The following REDIC1 variants were observed in gnomAD, a reference collection of about 807,000 sequenced individuals.
REDIC1 encodes the protein HEI10 Interacting Protein 1.
At chr12:39,802,098 G>A in the REDIC1 span, among the ~76,000 whole-genome samples, 23 of 152,294 alleles carry the variant, frequency 1.5e-4, no homozygotes, top group East Asian at 4.4e-3. Flanking sequence ...CAGTTGATGG[G>A]CTGGTCAGGA....
the REDIC1 span, among the ~76,000 whole-genome samples, chr12:39,707,654 A>G: frequency 2.0e-5 from 3 of 151,944 alleles, no homozygotes; most frequent in Non-Finnish European, 4.4e-5. Context: ...TGTTAATTAA[A>G]CACAATCTAA....
At chr12:39,662,215 G>C in the REDIC1 span, among the ~76,000 whole-genome samples, 4 of 151,998 alleles carry the variant, frequency 2.6e-5, no homozygotes, top group African/African-American at 9.7e-5. Context: ...TGACTCTGTA[G>C]ATTGCTTTGG....
At chr12:39,838,711 G>A in the REDIC1 span, among the ~76,000 whole-genome samples, 1 of 152,128 alleles carries the variant, frequency 6.6e-6, no homozygotes, top group Non-Finnish European at 1.5e-5. Flanking sequence ...TATGTTTCAC[G>A]TGGCACCCAG....
chr12:39,710,888 T>C, the REDIC1 span, among the ~76,000 whole-genome samples: 1 of 151,318 alleles, frequency 6.6e-6, no homozygotes, highest in African/African-American at 2.4e-5. Flanking sequence ...TTTTTTTCAG[T>C]ATTCTTTTTT....
At chr12:39,699,580 G>A in the REDIC1 span, among the ~76,000 whole-genome samples, 1 of 152,228 alleles carries the variant, frequency 6.6e-6, no homozygotes, top group Non-Finnish European at 1.5e-5. Context: ...TGGGAAGCTC[G>A]AACTGGGTGG....
chr12:39,843,363 T>C, the REDIC1 span, among the ~76,000 whole-genome samples: 16 of 152,066 alleles, frequency 1.1e-4, no homozygotes, highest in Non-Finnish European at 1.6e-4. Flanking sequence ...AAGACAAGCC[T>C]ATCTGTCATT....
chr12:39,860,170 G>T, the REDIC1 span, among the ~76,000 whole-genome samples: 2 of 152,216 alleles, frequency 1.3e-5, no homozygotes, highest in Admixed American at 1.3e-4. Context: ...GTTAGTCTGT[G>T]TGCCCTAGGA....
chr12:39,708,770 A>T, the REDIC1 span, among the ~76,000 whole-genome samples: 7 of 151,698 alleles, frequency 4.6e-5, no homozygotes, highest in Non-Finnish European at 7.4e-5. Flanking sequence ...CGCTTTTATT[A>T]TCTTTTTATA....
At chr12:39,729,524 CTGTT>C in the REDIC1 span, among the ~76,000 whole-genome samples, 6 of 152,072 alleles carry the variant, frequency 3.9e-5, no homozygotes, top group African/African-American at 7.2e-5. Flanking sequence ...GTCTGAGTGA[CTGTT>C]TGTTATGATT....
the REDIC1 span, chr12:39,871,857 A>G: frequency 1.6e-4 from 263 of 1,612,906 alleles, no homozygotes; most frequent in African/African-American, 3.1e-3. Flanking sequence ...CCAGACTCCC[A>G]CAAGTGTGAA....
At chr12:39,672,686 G>A in the REDIC1 span, among the ~76,000 whole-genome samples, 2 of 152,140 alleles carry the variant, frequency 1.3e-5, no homozygotes, top group Non-Finnish European at 2.9e-5. Context: ...TCCCTAGTGT[G>A]CAGGACACTG....
At chr12:39,811,708 T>C in the REDIC1 span, among the ~76,000 whole-genome samples, 1 of 152,188 alleles carries the variant, frequency 6.6e-6, no homozygotes, top group South Asian at 2.1e-4. Flanking sequence ...GGCCACTTTA[T>C]TATAAGCCAT....
the REDIC1 span, chr12:39,871,987 G>A: frequency 6.6e-7 from 1 of 1,507,958 alleles, no homozygotes; most frequent in Non-Finnish European, 8.9e-7. Flanking sequence ...TAAAACAATT[G>A]CTATTGATAG....
chr12:39,842,018 C>A, the REDIC1 span, among the ~76,000 whole-genome samples: 2 of 152,074 alleles, frequency 1.3e-5, no homozygotes, highest in East Asian at 3.9e-4. Context: ...ATGAGGGAGG[C>A]TTTTTATTTC....
At chr12:39,705,401 CAGTCCTACTA>C in the REDIC1 span, among the ~76,000 whole-genome samples, 2 of 151,996 alleles carry the variant, frequency 1.3e-5, no homozygotes, top group Non-Finnish European at 2.9e-5. Flanking sequence ...GAACTAATAC[CAGTCCTACTA>C]AAAATATTCT....
At chr12:39,746,314 A>G in the REDIC1 span, among the ~76,000 whole-genome samples, 10 of 152,168 alleles carry the variant, frequency 6.6e-5, no homozygotes, top group African/African-American at 1.7e-4. Context: ...GGAGGATCCC[A>G]CGGCCATGGA....
At chr12:39,688,025 A>G in the REDIC1 span, among the ~76,000 whole-genome samples, 2 of 152,180 alleles carry the variant, frequency 1.3e-5, no homozygotes, top group African/African-American at 4.8e-5. Context: ...TCTTCAATAA[A>G]TGTTTATTGA....
the REDIC1 span, chr12:39,755,892 T>G: frequency 8.3e-4 from 127 of 152,122 alleles, 1 homozygote; most frequent in African/African-American, 3.0e-3. Context: ...ATCAACACTC[T>G]TATAAAACAC....
chr12:39,790,466 G>A, the REDIC1 span, among the ~76,000 whole-genome samples: 14 of 148,666 alleles, frequency 9.4e-5, no homozygotes, highest in East Asian at 8.1e-4. Flanking sequence ...GAGAATATGC[G>A]GTGTTTGGTT....
Sources: allele counts gnomAD v4.1 joint callset (sites outside exome capture counted in the v4.1 genomes callset), GRCh38; gene constraint gnomAD v4.1.1; transcripts MANE v1.5; gene names NCBI Gene and HGNC (gene_info 2026-07-23, HGNC 2026-07-21).